Variants in FNIP2 observed in about 807,000 individuals in gnomAD.
FNIP2 encodes the protein folliculin-interacting protein 2.
Under a neutral mutation model 108.7 loss-of-function variants are expected in FNIP2, and 32 were observed. That is an observed-to-expected ratio of 0.29 (90% CI 0.22 to 0.40). FNIP2 has a LOEUF of 0.40. Among genes scored for constraint, FNIP2 ranks in the 10% least tolerant of loss-of-function variants. The pLI is 1.00. For synonymous variants in FNIP2, 480 were observed against 496.7 expected, an observed-to-expected ratio of 0.97 and a Z score of 0.45; for missense variants, 1,202 against 1,381.6, an observed-to-expected ratio of 0.87 and a Z score of 2.06.
chr4:158,831,970 G>C lies in FNIP2; in HGVS notation c.482+9G>C. Reference sequence around the variant, plus strand: ...AAGATACACTACATACGGTGAGTCTGGGCTTCCTTTTCTACTAGTTTTGAG... The same window carrying C: ...AAGATACACTACATACGGTGAGTCTCGGCTTCCTTTTCTACTAGTTTTGAG... On this transcript the variant is annotated intron_variant, in intron 4 of 16. Transcript: ENST00000264433. 6.2e-7 allele frequency: 1 copy of C among 1,607,064 alleles called. No homozygotes were observed. Among genetic ancestry groups the C allele is most frequent in the South Asian group, 1.1e-5 (1 of 90,280 alleles).
chr4:158,888,875 C>CAA (rs199499786), intron 14 of FNIP2, among the ~76,000 whole-genome samples: 14 of 100,736 alleles, frequency 1.4e-4, no homozygotes, highest in African/African-American at 3.2e-4. Flanking sequence ...AAGACTGTCT[C>CAA]AAAAAAAAAA....
rs1347187566 is a variant in FNIP2 at position 158,906,499 on chromosome 4, A to G, written c.*1955A>G. On this transcript the variant is annotated 3_prime_UTR_variant, in exon 17 of 17. Coordinates refer to ENST00000264433, the MANE Select transcript of FNIP2 (RefSeq NM_020840.3). ...CCATATAGGGGACACTGAGCTTTAA[A>G]TCGTTGATTCTAAACTCTATACATT... 1.3e-5 allele frequency: 2 copies of G among 152,208 alleles called. No individual in the cohort carries two copies. The highest frequency in any genetic ancestry group is 4.8e-5 in the African/African-American group (2 of 41,460). The allele number at this position is 152,208 out of a possible 1,614,324, so 9.4% of individuals were successfully genotyped here.
intron 14 of FNIP2, among the ~76,000 whole-genome samples, chr4:158,875,541 T>TATATATATATATGC (rs1553964269): frequency 1.9e-4 from 27 of 141,466 alleles, no homozygotes; most frequent in African/African-American, 7.4e-4. Flanking sequence ...TATATATATA[T>TATATATATATATGC]GCTCATGAAT....
rs746437066 is a variant in FNIP2 at position 158,809,007 on chromosome 4, A to G, written c.108-16909A>G. ...TTTCAGGATAGGAGTTGTCCTCTGC[A>G]TCTCCATTTCCATTCCCCCTAACCT... On this transcript the variant is annotated intron_variant, in intron 1 of 16. Coordinates refer to ENST00000264433, the MANE Select transcript of FNIP2 (RefSeq NM_020840.3). 4.6e-5 allele frequency among the ~76,000 whole-genome samples: 7 copies of G among 152,204 alleles called. 1 individual carries two copies. The highest frequency in any genetic ancestry group is 4.1e-4 in the South Asian group (2 of 4,828).
Position 158,851,486 on chromosome 4 carries a change from G to A in FNIP2, c.857+36G>A, listed in dbSNP as rs1237750394. 3.7e-6 allele frequency: 6 copies of A among 1,607,326 alleles called. No homozygotes were observed. In the East Asian group the frequency reaches 9.0e-5, roughly 24 times the overall value. On this transcript the variant is annotated intron_variant, in intron 8 of 16. Transcript: ENST00000264433. Reference sequence around the variant, plus strand: ...AGTTTCCTCTTGCTGAGAAAAGTAGGAGTGTAGGCAGCTTGATGAAACTGG... The same window carrying A: ...AGTTTCCTCTTGCTGAGAAAAGTAGAAGTGTAGGCAGCTTGATGAAACTGG...
In FNIP2 at chr4:158,868,905, G is replaced by A. The variant is rs1780753226; in HGVS notation, c.2269G>A (p.Val757Met). The A allele has an allele frequency of 5.6e-6, 9 of 1,613,892 alleles. No homozygotes were observed. Among genetic ancestry groups the A allele is most frequent in the South Asian group, 1.1e-5 (1 of 91,084 alleles). Residue 757 changes from valine (V) to methionine (M), a missense_variant, in exon 13 of 17, where the codon GTG becomes ATG. Around this residue, in one of 5 missense-constraint regions of FNIP2, gnomAD observed 878 missense variants for 990.3 expected, o/e 0.89. Coordinates refer to ENST00000264433, the MANE Select transcript of FNIP2 (RefSeq NM_020840.3). The surrounding 1 kb of genome is among the most constrained non-coding windows in gnomAD (Gnocchi z 4.6). ...CTTGGAGGCCAGTGAGGCTGCTGAT[G>A]TGGCTCAGGACCCGCAGGTTTCTAG... is the stretch of plus-strand genomic sequence containing the variant. ...PSLEASEAAD[V>M]AQDPQVSRSP...
intron 14 of FNIP2, chr4:158,890,476 C>A: frequency 2.3e-6 from 1 of 432,084 alleles, no homozygotes; most frequent in Non-Finnish European, 3.1e-6. Context: ...ACTAGGGAGT[C>A]AGATCACCTG....
intron 3 of FNIP2, among the ~76,000 whole-genome samples, chr4:158,831,265 G>A (rs777614911): frequency 5.8e-4 from 89 of 152,190 alleles, no homozygotes; most frequent in Admixed American, 9.2e-4. Flanking sequence ...AGTGAGAGTA[G>A]AGGAAGAGGA....
chr4:158,868,248 A>G lies in FNIP2; in HGVS notation c.1612A>G (p.Ser538Gly), dbSNP rs768910336. 6.2e-7 allele frequency: 1 copy of G among 1,614,074 alleles called. No homozygotes were observed. Among genetic ancestry groups the G allele is most frequent in the Non-Finnish European group, 8.5e-7 (1 of 1,179,902 alleles). ...GCTACAAGAGAACCAGCTGACCTGG[A>G]GTGGCAATCATGGTGAAGGTGACCA... is the stretch of plus-strand genomic sequence containing the variant. ...SELQENQLTW[S>G]GNHGEGDQVL... Residue 538 changes from serine to glycine, a missense_variant, in exon 13 of 17, where the codon AGT (serine) becomes GGT (glycine). Around this residue, in one of 5 missense-constraint regions of FNIP2, gnomAD observed 878 missense variants for 990.3 expected, o/e 0.89. Coordinates refer to ENST00000264433, the MANE Select transcript of FNIP2 (RefSeq NM_020840.3). This position sits in a 1 kb window ranked among gnomAD's most constrained non-coding sequence, Gnocchi z 4.6.
chr4:158,861,228 A>G (rs1188421907), intron 10 of FNIP2, 114 bp from the exon 11 acceptor site: 1 of 1,243,414 alleles, frequency 8.0e-7, no homozygotes. Context: ...TGGAGCTTGA[A>G]TCTTTTAAGG....
Position 158,833,608 on chromosome 4 carries a change from G to A in FNIP2, c.635G>A (p.Cys212Tyr). The A allele has an allele frequency of 6.2e-7, 1 of 1,613,058 alleles. No individual in the cohort carries two copies. Among genetic ancestry groups the A allele is most frequent in the African/African-American group, 1.3e-5 (1 of 74,940 alleles). Residue 212 changes from cysteine (C) to tyrosine (Y), a missense_variant, in exon 6 of 17, where the codon TGT becomes TAT. Cys to Tyr is a radical substitution (Grantham distance 194, BLOSUM62 -2). Transcript: ENST00000264433. ...ACAAATCAAAATAGTTTGGGTCCTT[G>A]TCGTACTGGAAGTAACCTAGGTAAA... ...LNTNQNSLGP[C>Y]RTGSNLAHST...
intron 8 of FNIP2, among the ~76,000 whole-genome samples, chr4:158,852,375 G>A (rs1779747666): frequency 6.6e-6 from 1 of 152,194 alleles, no homozygotes; most frequent in Non-Finnish European, 1.5e-5. Context: ...ATCCTAGGGA[G>A]CTAGCTGGAA....
chr4:158,857,509 C>A (rs987995934), intron 8 of FNIP2, among the ~76,000 whole-genome samples: 1 of 152,192 alleles, frequency 6.6e-6, no homozygotes, highest in Non-Finnish European at 1.5e-5. Context: ...TATAACAGCA[C>A]CATGTGCCAT....
intron 12 of FNIP2, among the ~76,000 whole-genome samples, chr4:158,864,802 T>C (rs1393639389): frequency 2.0e-5 from 3 of 152,098 alleles, no homozygotes; most frequent in African/African-American, 4.8e-5. Flanking sequence ...CTGGCTGTTA[T>C]CTCCTCTCCT....
In FNIP2 at chr4:158,861,383, A is replaced by C. The variant is rs750619648; in HGVS notation, c.1190A>C (p.Glu397Ala). The change falls in exon 11 of 17, where the codon GAA becomes GCA. Residue 397 changes from glutamate to alanine, a missense_variant. By Grantham distance (107) the Glu-to-Ala change is moderately radical (BLOSUM62 -1). Around this residue, in one of 5 missense-constraint regions of FNIP2, gnomAD observed 878 missense variants for 990.3 expected, o/e 0.89. Coordinates refer to ENST00000264433, the MANE Select transcript of FNIP2 (RefSeq NM_020840.3). ...WNLYSVPRIAEPVWLTMMSGT... is the reference protein window; with the variant it reads ...WNLYSVPRIAAPVWLTMMSGT... ...TTATATTCTGTTCCAAGGATAGCTG[A>C]ACCTGTATGGCTTACTATGATGTCC... The C allele has an allele frequency of 6.2e-7, 1 of 1,614,034 alleles. No individual in the cohort carries two copies. Among genetic ancestry groups the C allele is most frequent in the Non-Finnish European group, 8.5e-7 (1 of 1,179,892 alleles).
At chr4:158,812,900 C>G (rs1442592019) in intron 1 of FNIP2, among the ~76,000 whole-genome samples, 4 of 151,354 alleles carry the variant, frequency 2.6e-5, no homozygotes, top group Non-Finnish European at 4.4e-5. Context: ...ATCCTTCCCT[C>G]CCTCTCTAAC....
At chr4:158,877,054 C>CT (rs1781323068) in intron 14 of FNIP2, among the ~76,000 whole-genome samples, 1 of 152,160 alleles carries the variant, frequency 6.6e-6, no homozygotes. Context: ...TGCAAAAAAG[C>CT]TACCAACCCT....
intron 1 of FNIP2, among the ~76,000 whole-genome samples, chr4:158,821,549 T>TG (rs1163095181): frequency 6.6e-6 from 1 of 152,226 alleles, no homozygotes; most frequent in African/African-American, 2.4e-5. Context: ...ATGTGTGCCA[T>TG]GGAGCTACCA....
At chr4:158,790,412 G>A (rs1252651622) in intron 1 of FNIP2, among the ~76,000 whole-genome samples, 1 of 151,852 alleles carries the variant, frequency 6.6e-6, no homozygotes, top group Non-Finnish European at 1.5e-5. Flanking sequence ...TCAGATAAGG[G>A]ATACTCAACC....
Sources: gnomAD v4.1 joint callset for allele counts (sites outside exome capture counted in the v4.1 genomes callset) on GRCh38, gnomAD v4.1.1 for gene constraint, gnomAD v4.1.1 regional missense constraint, Gnocchi (gnomAD v3.1) non-coding constraint, MANE v1.5 for transcripts, NCBI Gene and HGNC (gene_info 2026-07-23, HGNC 2026-07-21) for gene names.